The following AUTS2 variants were observed in gnomAD, a reference collection of about 807,000 sequenced individuals.
AUTS2 encodes autism susceptibility gene 2 protein.
A neutral mutation model predicts 112.4 loss-of-function variants in AUTS2; 17 were observed. The observed-to-expected ratio is 0.15, with a 90% CI of 0.10 to 0.23. The LOEUF is 0.23. Among genes scored for constraint, AUTS2 ranks in the 10% least tolerant of loss-of-function variants. AUTS2 has a pLI of 1.00. For synonymous variants in AUTS2, 751 were observed against 702.7 expected (o/e 1.07, Z -1.09); for missense variants, 1,510 against 1,701.6 (o/e 0.89, Z 1.98).
At chr7:70,677,162 C>G (rs563194704) in intron 5 of AUTS2, among the ~76,000 whole-genome samples, 1 of 152,310 alleles carries the variant, frequency 6.6e-6, no homozygotes, top group Non-Finnish European at 1.5e-5. Context: ...TCTTGTCATT[C>G]AACTCTGTCT....
chr7:70,020,376 A>G (rs1800215397), intron 2 of AUTS2, among the ~76,000 whole-genome samples: 1 of 152,172 alleles, frequency 6.6e-6, no homozygotes, highest in East Asian at 1.9e-4. Context: ...TTGGCACTTA[A>G]AACATTCTAT....
At chr7:70,272,757 T>C (rs929774104) in intron 4 of AUTS2, among the ~76,000 whole-genome samples, 3 of 152,024 alleles carry the variant, frequency 2.0e-5, no homozygotes, top group African/African-American at 7.2e-5. Context: ...TTGTTTGTTT[T>C]AATTCTTAGG....
intron 1 of AUTS2, among the ~76,000 whole-genome samples, chr7:69,816,051 C>T (rs1040113338): frequency 7.9e-5 from 12 of 152,186 alleles, no homozygotes; most frequent in African/African-American, 2.7e-4. Context: ...AGAGGGAATA[C>T]AGGCCAAGCC....
chr7:69,626,941 T>C (rs17350805), intron 1 of AUTS2, among the ~76,000 whole-genome samples: 4,283 of 152,342 alleles, frequency 0.028, 80 homozygotes, highest in South Asian at 0.045. Context: ...AAAATAAGAT[T>C]AGTTTTGTTT....
intron 4 of AUTS2, among the ~76,000 whole-genome samples, chr7:70,271,241 A>G (rs1054938394): frequency 6.6e-6 from 1 of 152,196 alleles, no homozygotes; most frequent in South Asian, 2.1e-4. Context: ...ATAAAATGGC[A>G]TTAAATAGAA....
intron 1 of AUTS2, among the ~76,000 whole-genome samples, chr7:69,752,233 C>T (rs1787768522): frequency 1.3e-5 from 2 of 152,204 alleles, no homozygotes; most frequent in Admixed American, 6.5e-5. Context: ...CCCTTGCTCT[C>T]TGCAGAGGTG....
At chr7:69,661,261 ATGT>A (rs980155775) in intron 1 of AUTS2, among the ~76,000 whole-genome samples, 6 of 152,364 alleles carry the variant, frequency 3.9e-5, no homozygotes, top group South Asian at 4.1e-4. Flanking sequence ...CTTTACCAAA[ATGT>A]TGTAAAAATT....
chr7:70,567,601 G>A lies in AUTS2; in HGVS notation c.691-130968G>A, dbSNP rs369087317. Among the ~76,000 whole-genome samples, 25 of 152,324 alleles carry A rather than the reference G, an allele frequency of 1.6e-4. No individual in the cohort carries two copies. The East Asian group carries it at 3.9e-3, about 24-fold the overall frequency. On this transcript the variant is annotated intron_variant, in intron 5 of 18. Transcript: ENST00000342771. Reference sequence around the variant, plus strand: ...AGAAAACCAGTGTGTCACTTTTAAAGCCAGGGAACACATGTGACTTTTTAA... The same window carrying A: ...AGAAAACCAGTGTGTCACTTTTAAAACCAGGGAACACATGTGACTTTTTAA...
At chr7:70,508,933 T>A (rs2116743166) in intron 5 of AUTS2, among the ~76,000 whole-genome samples, 1 of 152,320 alleles carries the variant, frequency 6.6e-6, no homozygotes, top group Admixed American at 6.5e-5. Context: ...TTTTCTAGAA[T>A]TTTTGTTCTC....
Position 69,923,725 on chromosome 7 carries a change from G to T in AUTS2, c.522+24227G>T, listed in dbSNP as rs573065629. Among the ~76,000 whole-genome samples the T allele has an allele frequency of 2.0e-5, 3 of 152,240 alleles. No individual in the cohort carries two copies. The South Asian group carries it at 6.2e-4, about 32-fold the overall frequency. ...ATTTTTGATGCAGTATTAAATGGTG[G>T]TGTTTTTTAACTTTAGTTTCCAGTT... On this transcript the variant is annotated intron_variant, in intron 2 of 18. Coordinates refer to ENST00000342771, the MANE Select transcript of AUTS2 (RefSeq NM_015570.4).
intron 5 of AUTS2, among the ~76,000 whole-genome samples, chr7:70,570,796 T>A (rs952199990): frequency 3.9e-5 from 6 of 152,252 alleles, no homozygotes; most frequent in African/African-American, 1.2e-4. Context: ...ATCTGATCTC[T>A]TGTCTTTCAC....
At chr7:70,698,515 GATGACAATATTA>G (rs1809261598) in intron 5 of AUTS2, 42 bp from the exon 6 acceptor site, 1 of 1,412,054 alleles carries the variant, frequency 7.1e-7, no homozygotes, top group Non-Finnish European at 9.9e-7. Flanking sequence ...TGTTGATGGT[GATGACAATATTA>G]ATGACAATAA....
At chr7:70,536,402 T>C (rs1800318370) in intron 5 of AUTS2, among the ~76,000 whole-genome samples, 1 of 151,978 alleles carries the variant, frequency 6.6e-6, no homozygotes, top group African/African-American at 2.4e-5. Context: ...TCTTAACATA[T>C]GGGAGCCCAA....
At chr7:69,933,941 T>C (rs542872614) in intron 2 of AUTS2, among the ~76,000 whole-genome samples, 24 of 152,332 alleles carry the variant, frequency 1.6e-4, no homozygotes, top group Admixed American at 2.0e-4. Flanking sequence ...AAACCAGAAA[T>C]TGTTGCTTGA....
chr7:70,054,073 C>A (rs1801883127), intron 2 of AUTS2, among the ~76,000 whole-genome samples: 1 of 152,120 alleles, frequency 6.6e-6, no homozygotes, highest in South Asian at 2.1e-4. Context: ...ATGAAAATGT[C>A]TTCTATGTGC....
chr7:70,071,756 C>T (rs12386765), intron 2 of AUTS2, among the ~76,000 whole-genome samples: 3 of 152,200 alleles, frequency 2.0e-5, no homozygotes, highest in Admixed American at 2.0e-4. Flanking sequence ...TCTCTATCCC[C>T]ATCAGATGGT....
intron 4 of AUTS2, among the ~76,000 whole-genome samples, chr7:70,222,352 C>A (rs1013734298): frequency 2.0e-5 from 3 of 152,106 alleles, no homozygotes; most frequent in Non-Finnish European, 4.4e-5. Context: ...TGCTTTGTTA[C>A]AAGTTTTCTT....
intron 1 of AUTS2, among the ~76,000 whole-genome samples, chr7:69,855,765 G>A (rs1252277088): frequency 1.3e-5 from 2 of 152,168 alleles, no homozygotes; most frequent in African/African-American, 4.8e-5. Context: ...TTGTTTGTGT[G>A]TGTTCCGTAA....
At chr7:70,024,883 T>C (rs1198480396) in intron 2 of AUTS2, among the ~76,000 whole-genome samples, 1 of 152,236 alleles carries the variant, frequency 6.6e-6, no homozygotes, top group South Asian at 2.1e-4. Flanking sequence ...AGTTAACTGA[T>C]TGTAGAAGTT....
Sources: allele counts gnomAD v4.1 joint callset (sites outside exome capture counted in the v4.1 genomes callset), GRCh38; gene constraint gnomAD v4.1.1; transcripts MANE v1.5; gene names NCBI Gene and HGNC (gene_info 2026-07-23, HGNC 2026-07-21).